Variants in CDKN2B-AS1 observed in about 807,000 individuals in gnomAD.
CDKN2B-AS1 encodes the protein CDKN2B antisense RNA 1 (non-protein coding).
chr9:22,045,010 A>G (rs1823045986), intron 1 of CDKN2B-AS1, among the ~76,000 whole-genome samples: 1 of 143,450 alleles, frequency 7.0e-6, no homozygotes, highest in Non-Finnish European at 1.5e-5. Context: ...GAGGAGAAGT[A>G]TTTTTCTTTT....
chr9:22,117,697 C>G (rs1332769542), intron 4 of CDKN2B-AS1: 2 of 152,330 alleles, frequency 1.3e-5, no homozygotes, highest in Admixed American at 1.3e-4. Context: ...TCCTTTGTCA[C>G]TGTGGAGAAA....
intron 1 of CDKN2B-AS1, among the ~76,000 whole-genome samples, chr9:22,044,489 GTTA>G (rs773863299): frequency 3.0e-4 from 46 of 152,000 alleles, no homozygotes; most frequent in Middle Eastern, 3.4e-3. Context: ...ATATATTTTT[GTTA>G]TTATCCTGTA....
chr9:22,059,972 T>C (rs1156982211), intron 4 of CDKN2B-AS1, among the ~76,000 whole-genome samples: 2 of 152,136 alleles, frequency 1.3e-5, no homozygotes, highest in Non-Finnish European at 2.9e-5. Flanking sequence ...AGGCTGCCCA[T>C]GGCGCAGGGA....
chr9:22,040,981 T>C (rs1261507045), intron 1 of CDKN2B-AS1, among the ~76,000 whole-genome samples: 1 of 152,012 alleles, frequency 6.6e-6, no homozygotes, highest in African/African-American at 2.4e-5. Context: ...ATACTATTGC[T>C]CACTGCGTGT....
chr9:22,060,074 G>A (rs1823750873), intron 4 of CDKN2B-AS1, among the ~76,000 whole-genome samples: 1 of 152,168 alleles, frequency 6.6e-6, no homozygotes, highest in African/African-American at 2.4e-5. Context: ...ACAAGGCTTG[G>A]AGACATTTTC....
chr9:22,044,611 A>G (rs761003024), intron 1 of CDKN2B-AS1, among the ~76,000 whole-genome samples: 5 of 151,994 alleles, frequency 3.3e-5, no homozygotes, highest in Non-Finnish European at 5.9e-5. Context: ...CCTGGTTTTT[A>G]CCTGTGAAAG....
chr9:22,099,155 G>C (rs1011343541), intron 4 of CDKN2B-AS1, among the ~76,000 whole-genome samples: 5 of 152,130 alleles, frequency 3.3e-5, no homozygotes, highest in Non-Finnish European at 7.4e-5. Flanking sequence ...TGTATTCCAG[G>C]GAGAGGGAAC....
At chr9:22,071,273 A>G in intron 4 of CDKN2B-AS1, among the ~76,000 whole-genome samples, 1 of 124,394 alleles carries the variant, frequency 8.0e-6, no homozygotes, top group African/African-American at 3.3e-5. Flanking sequence ...GGCCAGGCTT[A>G]GAAATATCTA....
At chr9:22,105,950 G>A (rs773682174) in intron 4 of CDKN2B-AS1, among the ~76,000 whole-genome samples, 24 of 152,108 alleles carry the variant, frequency 1.6e-4, no homozygotes, top group South Asian at 4.1e-4. Context: ...CAGCTCTGTC[G>A]CCCAGGCCGG....
intron 1 of CDKN2B-AS1, among the ~76,000 whole-genome samples, chr9:22,036,157 A>C (rs1470057057): frequency 6.6e-6 from 1 of 152,164 alleles, no homozygotes; most frequent in Non-Finnish European, 1.5e-5. Context: ...AATCCATTTA[A>C]TAATAAAACG....
intron 4 of CDKN2B-AS1, among the ~76,000 whole-genome samples, chr9:22,075,141 A>G (rs995279728): frequency 6.6e-6 from 1 of 152,246 alleles, no homozygotes; most frequent in African/African-American, 2.4e-5. Context: ...AAACTCAGGC[A>G]TGACAAAATA....
At chr9:22,074,803 C>G (rs1052016936) in intron 4 of CDKN2B-AS1, among the ~76,000 whole-genome samples, 4 of 152,218 alleles carry the variant, frequency 2.6e-5, no homozygotes, top group African/African-American at 9.7e-5. Flanking sequence ...TTCTGGAAAG[C>G]TCTATCTGGT....
chr9:22,071,820 A>G (rs1334168778), intron 4 of CDKN2B-AS1, among the ~76,000 whole-genome samples: 1 of 152,226 alleles, frequency 6.6e-6, no homozygotes, highest in Non-Finnish European at 1.5e-5. Context: ...GTAAAAGTGA[A>G]TAGTTACTTC....
chr9:22,037,394 C>T (rs1215518193), intron 1 of CDKN2B-AS1, among the ~76,000 whole-genome samples: 1 of 151,926 alleles, frequency 6.6e-6, no homozygotes, highest in African/African-American at 2.4e-5. Context: ...GGGTGACTCT[C>T]TCCTGGCATG....
intron 4 of CDKN2B-AS1, among the ~76,000 whole-genome samples, chr9:22,100,953 A>G (rs1398796990): frequency 6.6e-6 from 1 of 152,144 alleles, no homozygotes; most frequent in East Asian, 1.9e-4. Context: ...GTCTTCTGTG[A>G]TGAAATGTCT....
At position 22,006,169 on chromosome 9, in the gene CDKN2B-AS1, T is replaced by C. The variant is rs1237625975; in HGVS notation, n.29+11008T>C. On this transcript the variant is annotated intron_variant and non_coding_transcript_variant, in intron 1 of 4. Coordinates refer to ENST00000650946, the Ensembl canonical transcript of CDKN2B-AS1. The surrounding 1 kb of genome is among the most constrained non-coding windows in gnomAD (Gnocchi z 6.4). Reference sequence around the variant, plus strand: ...GCATCATGCACCGGTCGGGTGAGAGTGGCAGGGTCTGCGCAGTTGGGCTCC... The same window carrying C: ...GCATCATGCACCGGTCGGGTGAGAGCGGCAGGGTCTGCGCAGTTGGGCTCC... 1 of 1,610,264 alleles carries C rather than the reference T, an allele frequency of 6.2e-7. No individual in the cohort carries two copies. The highest frequency in any genetic ancestry group is 1.3e-5 in the African/African-American group (1 of 74,982).
chr9:22,043,143 T>C (rs1466700683), intron 1 of CDKN2B-AS1, among the ~76,000 whole-genome samples: 4 of 152,098 alleles, frequency 2.6e-5, no homozygotes, highest in Non-Finnish European at 5.9e-5. Context: ...ATATCAATTA[T>C]TCATTTAGCA....
At position 22,006,980 on chromosome 9, in the gene CDKN2B-AS1, A is replaced by T. The variant is rs1821221800; in HGVS notation, n.29+11819A>T. On this transcript the variant is annotated intron_variant and non_coding_transcript_variant, in intron 1 of 4. Coordinates refer to ENST00000650946, the Ensembl canonical transcript of CDKN2B-AS1. The surrounding 1 kb of genome is among the most constrained non-coding windows in gnomAD (Gnocchi z 6.4). ...ATTTAGACTATAATATTTTTAATGT[A>T]ATATAAAACTAACTATATTTGTATA... Among the ~76,000 whole-genome samples the T allele has an allele frequency of 6.6e-6, 1 of 152,194 alleles. No individual in the cohort carries two copies. The highest frequency in any genetic ancestry group is 2.1e-4 in the South Asian group (1 of 4,830).
chr9:22,106,813 C>G (rs1460113614), intron 4 of CDKN2B-AS1, among the ~76,000 whole-genome samples: 2 of 152,036 alleles, frequency 1.3e-5, no homozygotes, highest in African/African-American at 4.8e-5. Flanking sequence ...AAATACAGTG[C>G]TAAACTCTTT....
Sources: allele counts gnomAD v4.1 joint callset (sites outside exome capture counted in the v4.1 genomes callset), GRCh38; gene constraint gnomAD v4.1.1; non-coding constraint Gnocchi (gnomAD v3.1); transcripts MANE v1.5; gene names NCBI Gene and HGNC (gene_info 2026-07-23, HGNC 2026-07-21).